CLASP2: variants seen among roughly 807,000 people sequenced by gnomAD.
The protein encoded by CLASP2 is cytoplasmic linker associated protein 2, also known as CLIP-associating protein 2.
In CLASP2, 47 loss-of-function variants were observed where a neutral mutation model predicts 194.4. The observed-to-expected ratio is 0.24, with a 90% CI of 0.19 to 0.31. The LOEUF (loss-of-function observed/expected upper bound fraction) is 0.31, where lower values mean the gene tolerates loss of function less well. Among genes scored for constraint, CLASP2 ranks in the 10% least tolerant of loss-of-function variants. The pLI, the probability that CLASP2 is intolerant of heterozygous loss-of-function variation, is 1.00. For synonymous variants in CLASP2, 619 were observed against 633.5 expected, an observed-to-expected ratio of 0.98 and a Z score of 0.34; for missense variants, 1,445 against 1,823.6, an observed-to-expected ratio of 0.79 and a Z score of 3.78.
intron 23 of CLASP2, among the ~76,000 whole-genome samples, chr3:33,576,682 AC>A (rs1382655696): frequency 2.0e-5 from 3 of 152,186 alleles, no homozygotes; most frequent in Admixed American, 2.0e-4. Context: ...ATGAAGGCAC[AC>A]TAGAAATTTA....
At chr3:33,663,547 A>AT (rs774800783) in intron 6 of CLASP2, 32 bp from the exon 7 acceptor site, 2 of 1,464,590 alleles carry the variant, frequency 1.4e-6, no homozygotes, top group Admixed American at 3.4e-5. Flanking sequence ...GGTTTGTTTG[A>AT]TTTTTTAAAA....
At chr3:33,548,763 C>CTTTTTTTTTT (rs57112524) in intron 30 of CLASP2, among the ~76,000 whole-genome samples, 2 of 93,146 alleles carry the variant, frequency 2.1e-5, no homozygotes, top group East Asian at 2.9e-4. Context: ...GGTTTCATTT[C>CTTTTTTTTTT]TTTTTTTTTT....
chr3:33,551,486 A>ATTT (rs34937822), intron 29 of CLASP2, 91 bp from the exon 30 acceptor site: 39 of 1,055,084 alleles, frequency 3.7e-5, no homozygotes, highest in Non-Finnish European at 4.5e-5. Context: ...GATGATGATG[A>ATTT]TTTTTTTTTT....
Position 33,687,104 on chromosome 3 carries a change from A to G in CLASP2, c.502T>C (p.Leu168=). The change falls in exon 5 of 39, where the codon TTG becomes CTG. Residue 168 remains leucine (L), a synonymous_variant. Coordinates refer to ENST00000682230, the MANE Select transcript of CLASP2 (RefSeq NM_001365631.1). ...FGAQPLVISK[L]IPHLCILFGD... is the part of the protein sequence containing the mutation. ...AACAGGATACACAAATGTGGTATCA[A>G]TTTGCTGATGACTAGTGGCTGAGCC... The G allele has an allele frequency of 6.2e-7, 1 of 1,603,464 alleles. No individual in the cohort carries two copies. Among genetic ancestry groups the G allele is most frequent in the African/African-American group, 1.3e-5 (1 of 74,726 alleles).
At chr3:33,509,389 A>G (rs1009822668) in intron 37 of CLASP2, among the ~76,000 whole-genome samples, 3 of 152,140 alleles carry the variant, frequency 2.0e-5, no homozygotes, top group Non-Finnish European at 4.4e-5. Context: ...CTAATTTTGT[A>G]TATTTAGTAG....
intron 30 of CLASP2, among the ~76,000 whole-genome samples, chr3:33,545,277 A>C (rs1289613910): frequency 6.6e-6 from 1 of 152,222 alleles, no homozygotes; most frequent in Non-Finnish European, 1.5e-5. Context: ...AAGCTTACTC[A>C]GATCAGTCAA....
intron 1 of CLASP2, among the ~76,000 whole-genome samples, chr3:33,716,901 G>C (rs979518805): frequency 6.6e-6 from 1 of 152,162 alleles, no homozygotes; most frequent in Non-Finnish European, 1.5e-5. Context: ...ATGAGAATAT[G>C]TTACTAAGAA....
chr3:33,614,008 C>T (rs2075674649), intron 12 of CLASP2, among the ~76,000 whole-genome samples: 1 of 152,122 alleles, frequency 6.6e-6, no homozygotes, highest in South Asian at 2.1e-4. Context: ...GAACAATTTA[C>T]ACTTTATTAA....
intron 30 of CLASP2, chr3:33,545,104 C>T (rs545134699): frequency 3.5e-5 from 9 of 254,476 alleles, no homozygotes; most frequent in East Asian, 1.5e-4. Flanking sequence ...TTAACCATGA[C>T]GGTTTCCAGG....
At chr3:33,693,874 G>C (rs928295222) in intron 2 of CLASP2, among the ~76,000 whole-genome samples, 1 of 151,950 alleles carries the variant, frequency 6.6e-6, no homozygotes, top group Non-Finnish European at 1.5e-5. Context: ...ACATACATAA[G>C]AGTGTGTGAA....
chr3:33,668,703 G>A (rs1302540704), intron 6 of CLASP2, among the ~76,000 whole-genome samples: 2 of 152,136 alleles, frequency 1.3e-5, no homozygotes, highest in African/African-American at 2.4e-5. Context: ...TGTTTGAAAA[G>A]CAAAGCTCAC....
chr3:33,695,543 T>C (rs1320842342), intron 2 of CLASP2, among the ~76,000 whole-genome samples: 1 of 152,070 alleles, frequency 6.6e-6, no homozygotes, highest in Non-Finnish European at 1.5e-5. Context: ...ACTGACAGAA[T>C]GGTAGGTAGC....
chr3:33,621,243 C>T (rs962037285), intron 11 of CLASP2, among the ~76,000 whole-genome samples: 6 of 152,178 alleles, frequency 3.9e-5, no homozygotes, highest in Non-Finnish European at 8.8e-5. Flanking sequence ...CCTACCCTGT[C>T]TGCTGTCTAT....
At chr3:33,584,645 A>C (rs1276193169) in intron 22 of CLASP2, 105 bp downstream of exon 22, 2 of 1,009,684 alleles carry the variant, frequency 2.0e-6, no homozygotes, top group Admixed American at 6.3e-5. Context: ...TTTTCTTCTA[A>C]TTTGTAAGTC....
At chr3:33,558,417 T>C (rs2061309274) in intron 29 of CLASP2, 1 of 152,196 alleles carries the variant, frequency 6.6e-6, no homozygotes, top group Non-Finnish European at 1.5e-5. Context: ...TAGAAATATA[T>C]TTCGTGCAGG....
At chr3:33,553,611 T>C (rs1243540957) in intron 29 of CLASP2, among the ~76,000 whole-genome samples, 3 of 152,128 alleles carry the variant, frequency 2.0e-5, no homozygotes, top group Non-Finnish European at 4.4e-5. Context: ...ATGATCAATA[T>C]CAGTATTCAT....
intron 2 of CLASP2, among the ~76,000 whole-genome samples, chr3:33,691,453 G>C (rs987922404): frequency 6.6e-6 from 1 of 152,144 alleles, no homozygotes; most frequent in Non-Finnish European, 1.5e-5. Context: ...AAAATGACTA[G>C]AGTGAGAAGG....
At chr3:33,684,326 A>G in intron 6 of CLASP2, 33 bp downstream of exon 6, 1 of 1,329,380 alleles carries the variant, frequency 7.5e-7, no homozygotes, top group Middle Eastern at 1.8e-4. Flanking sequence ...AGTGGTGAAA[A>G]AAAAAAAAAG....
At chr3:33,522,167 C>G (rs1424218069) in intron 34 of CLASP2, among the ~76,000 whole-genome samples, 2 of 152,144 alleles carry the variant, frequency 1.3e-5, no homozygotes, top group Non-Finnish European at 2.9e-5. Context: ...AAAGTGACTT[C>G]CAGGGGCTTA....
Sources: allele counts gnomAD v4.1 joint callset (sites outside exome capture counted in the v4.1 genomes callset), GRCh38; gene constraint gnomAD v4.1.1; transcripts MANE v1.5; gene names NCBI Gene and HGNC (gene_info 2026-07-23, HGNC 2026-07-21).